PRAMEF6: variants seen among roughly 807,000 people sequenced by gnomAD.
PRAMEF6 encodes PRAME family member 6.
For synonymous variants in PRAMEF6, 8 were observed against 134.4 expected (o/e 0.06, Z 6.51); for missense variants, 29 against 349.2 (o/e 0.08, Z 7.31).
chr1:12,938,755 T>A lies in PRAMEF6; in HGVS notation c.1351A>T (p.Ile451Phe), dbSNP rs1641678416. ...GGGCAGCAGTCAGTACAGAACAAGA[T>A]CCTCTTGGGGTGCCTTAAGTCCCTC... The part of the protein sequence containing the change: ...RVRDLRHPKR[I>F]LFCTDCCPDC... The change falls in exon 4 of 4, where the codon ATC (isoleucine) becomes TTC (phenylalanine). Residue 451 changes from isoleucine (I) to phenylalanine (F), a missense_variant. Physicochemically the swap from Ile to Phe is conservative, Grantham distance 21. Transcript: ENST00000376189. The A allele has an allele frequency of 1.2e-6, 2 of 1,611,114 alleles. No individual in the cohort carries two copies. The highest frequency in any genetic ancestry group is 1.7e-6 in the Non-Finnish European group (2 of 1,178,892).
chr1:12,941,683 T>G (rs12140326), intron 2 of PRAMEF6, 118 bp from the exon 3 acceptor site: 2 of 794,958 alleles, frequency 2.5e-6, no homozygotes, highest in South Asian at 3.9e-5. Context: ...TGACTTTTCT[T>G]CACCCTGTTT....
chr1:12,946,010 A>AAAAAAG, intron 1 of PRAMEF6, among the ~76,000 whole-genome samples: 1 of 42,100 alleles, frequency 2.4e-5, no homozygotes, highest in Non-Finnish European at 4.0e-5. Flanking sequence ...AAAAAAAAAA[A>AAAAAAG]AAAAAGAAAA....
rs1641730252 is a variant in PRAMEF6 at position 12,942,270 on chromosome 1, A to C, written c.249T>G (p.Asp83Glu). 1 of 26,094 alleles carries C rather than the reference A, an allele frequency of 3.8e-5. No homozygotes were observed. Among genetic ancestry groups the C allele is most frequent in the Non-Finnish European group, 6.3e-5 (1 of 15,966 alleles). The allele number at this position is 26,094 out of a possible 1,614,324, so 1.6% of individuals were successfully genotyped here. ...CTTGGGTAAGCAGTGCATCCAGCCC[A>C]TCGAGCACAGCTTGGAAGGCCTCCA... ...PCLEAFQAVL[D>E]GLDALLTQGV... The change falls in exon 2 of 4, where the codon GAT (aspartate) becomes GAG (glutamate). Residue 83 changes from aspartate to glutamate, a missense_variant. By Grantham distance (45) the Asp-to-Glu change is conservative (BLOSUM62 2). Transcript: ENST00000376189.
At position 12,938,512 on chromosome 1, in the gene PRAMEF6, C is replaced by G. The variant is rs12072894; in HGVS notation, c.*163G>C. 837 of 783,634 alleles carry G rather than the reference C, an allele frequency of 1.1e-3. No individual in the cohort carries two copies. Among genetic ancestry groups the G allele is most frequent in the Non-Finnish European group, 1.3e-3 (729 of 542,592 alleles). 48.5% of individuals were successfully genotyped at this position (783,634 alleles called of 1,614,324 possible). ...CATCGAATCCATGGCAACACTTCCC[C>G]CAAGTCCTGCCCCTGCTTGATCACC... On this transcript the variant is annotated 3_prime_UTR_variant, in exon 4 of 4. Transcript: ENST00000376189.
chr1:12,941,832 T>C (rs200871373), intron 2 of PRAMEF6, among the ~76,000 whole-genome samples: 2 of 100,020 alleles, frequency 2.0e-5, no homozygotes, highest in Non-Finnish European at 3.7e-5. Flanking sequence ...ATGATTCTCC[T>C]GCCTCAACCT....
chr1:12,939,686 GAC>G, intron 3 of PRAMEF6, among the ~76,000 whole-genome samples: 1 of 110,696 alleles, frequency 9.0e-6, no homozygotes, highest in East Asian at 2.3e-4. Flanking sequence ...CAGCCTGGGT[GAC>G]AGAGAGAGAC....
chr1:12,939,960 T>C (rs1641700450), intron 3 of PRAMEF6, among the ~76,000 whole-genome samples: 1 of 8,468 alleles, frequency 1.2e-4, no homozygotes, highest in African/African-American at 6.5e-4. Flanking sequence ...CAGCAAACCA[T>C]CTATCACTTT....
chr1:12,940,940 G>T lies in PRAMEF6; in HGVS notation c.869+44C>A, dbSNP rs1296114717. 2.0e-5 allele frequency: 3 copies of T among 152,466 alleles called. 1 individual carries two copies. In the Admixed American group the frequency reaches 4.0e-4, roughly 20 times the overall value. The allele number at this position is 152,466 out of a possible 1,614,324, so 9.4% of individuals were successfully genotyped here. A position where few individuals can be genotyped will look rare whatever the true frequency, so the allele number is the denominator to read the frequency against. On this transcript the variant is annotated intron_variant, in intron 3 of 3. Coordinates refer to ENST00000376189, the MANE Select transcript of PRAMEF6 (RefSeq NM_001010889.2). ...ATGCCCACTAGCGTTTACTGTAACA[G>T]GCTCTGCTGTGGTCTGCAGAGAAAG...
At chr1:12,941,755 C>T (rs879399986) in intron 2 of PRAMEF6, among the ~76,000 whole-genome samples, 190 bp from the exon 3 acceptor site, 3 of 114,392 alleles carry the variant, frequency 2.6e-5, no homozygotes, top group East Asian at 4.3e-4. Context: ...AAGTCTCCCT[C>T]TGTCACCCAG....
At chr1:12,939,706 T>A (rs2359055) in intron 3 of PRAMEF6, among the ~76,000 whole-genome samples, 3 of 112,590 alleles carry the variant, frequency 2.7e-5, no homozygotes, top group Non-Finnish European at 3.6e-5. Context: ...GACTCCGCAT[T>A]AAAAAAAAAA....
Position 12,941,102 on chromosome 1 carries a change from C to G in PRAMEF6, c.751G>C (p.Glu251Gln). 8.2e-6 allele frequency: 3 copies of G among 366,530 alleles called. 1 individual carries two copies. In the South Asian group the frequency reaches 8.7e-5, roughly 11 times the overall value. The allele number at this position is 366,530 out of a possible 1,614,324, so 22.7% of individuals were successfully genotyped here. The change falls in exon 3 of 4, where the codon GAG becomes CAG. Residue 251 changes from glutamate (E) to glutamine (Q), a missense_variant. Transcript: ENST00000376189. ...HMDVSRYVSP[E>Q]QKKEIVTQFT... ...TGGGTAACAATCTCCTTCTTCTGCT[C>G]TGGGGAAACGTAGCGAGAGACATCC...
chr1:12,940,068 C>G (rs1343535529), intron 3 of PRAMEF6, among the ~76,000 whole-genome samples: 6 of 776 alleles, frequency 7.7e-3, no homozygotes, highest in South Asian at 0.023. Flanking sequence ...TTTTACAACA[C>G]GGAATTAGAG....
chr1:12,939,623 CT>C (rs1344155403), intron 3 of PRAMEF6, among the ~76,000 whole-genome samples: 1 of 93,770 alleles, frequency 1.1e-5, no homozygotes, highest in Non-Finnish European at 2.1e-5. Context: ...AGAAGAATCG[CT>C]TGAACCCAGG....
chr1:12,941,570 G>A lies in PRAMEF6; in HGVS notation c.288-5C>T. ...AGCACTTGAAGTTTCCACCTCCTGT[G>A]GGAAAATAGAGGTGAGAATGAGAAT... On this transcript the variant is annotated splice_polypyrimidine_tract_variant and splice_region_variant and intron_variant, in intron 2 of 3. Transcript: ENST00000376189. The A allele has an allele frequency of 8.3e-7, 1 of 1,202,900 alleles. No individual in the cohort carries two copies. Among genetic ancestry groups the A allele is most frequent in the Non-Finnish European group, 1.1e-6 (1 of 895,134 alleles). 74.5% of individuals were successfully genotyped at this position (1,202,900 alleles called of 1,614,324 possible). A position where few individuals can be genotyped will look rare whatever the true frequency, so the allele number is the denominator to read the frequency against.
intron 2 of PRAMEF6, among the ~76,000 whole-genome samples, chr1:12,941,952 T>G (rs935886348): frequency 4.5e-5 from 2 of 44,276 alleles, no homozygotes; most frequent in Non-Finnish European, 7.6e-5. Context: ...ACTCTTGGCC[T>G]CAGCCTCCCA....
At chr1:12,943,010 T>TCTCTCTTTCTTCTTTCCTTCTTTCC (rs1641738209) in intron 1 of PRAMEF6, among the ~76,000 whole-genome samples, 2 of 144,994 alleles carry the variant, frequency 1.4e-5, no homozygotes, top group Middle Eastern at 3.2e-3. Flanking sequence ...TTTCTCTTTC[T>TCTCTCTTTCTTCTTTCCTTCTTTCC]CTCTCTTTCT....
Position 12,947,509 on chromosome 1 carries a change from TG to T in PRAMEF6, c.-23+7del, listed in dbSNP as rs1373859380. On this transcript the variant is annotated splice_region_variant and intron_variant, in intron 1 of 3. Transcript: ENST00000376189. Reference sequence around the variant, plus strand: ...ATGGGAGTGTCCTTACAGAAATTAGTGGCTTACCAGATCTGGATGTAGTCTA... The same window carrying T: ...ATGGGAGTGTCCTTACAGAAATTAGTGCTTACCAGATCTGGATGTAGTCTA... 1 of 147,532 alleles carries T rather than the reference TG, an allele frequency of 6.8e-6. No individual in the cohort carries two copies. The highest frequency in any genetic ancestry group is 2.5e-5 in the African/African-American group (1 of 40,658). The allele number at this position is 147,532 out of a possible 1,614,324, so 9.1% of individuals were successfully genotyped here.
intron 3 of PRAMEF6, among the ~76,000 whole-genome samples, chr1:12,939,652 A>T (rs1569959920): frequency 9.7e-6 from 1 of 102,974 alleles, no homozygotes; most frequent in South Asian, 3.8e-4. Flanking sequence ...GGTTGCAGTG[A>T]GCAGAGATCA....
intron 1 of PRAMEF6, chr1:12,945,271 CA>C (rs1189137796): frequency 6.0e-5 from 1 of 16,568 alleles, no homozygotes; most frequent in Admixed American, 5.5e-4. Context: ...AGCTCTGTGC[CA>C]TCGTAGGCTG....
Sources: allele counts gnomAD v4.1 joint callset (sites outside exome capture counted in the v4.1 genomes callset), GRCh38; gene constraint gnomAD v4.1.1; transcripts MANE v1.5; gene names NCBI Gene and HGNC (gene_info 2026-07-23, HGNC 2026-07-21).